Variants in SYT16 observed in about 807,000 individuals in gnomAD.
SYT16 encodes the protein synaptotagmin-16.
SYT16 carries 42 observed loss-of-function variants against 61.4 expected under a neutral mutation model. The ratio of observed to expected loss-of-function variants is 0.68; its 90% confidence interval spans 0.53 to 0.89. The LOEUF (loss-of-function observed/expected upper bound fraction) is 0.89. SYT16 is among the 40% of genes least tolerant of loss of function. SYT16 has a pLI of 0.00. For missense variants in SYT16, 804 were observed against 807.3 expected, an observed-to-expected ratio of 1.00 and a Z score of 0.05; for synonymous variants, 314 against 302.3, an observed-to-expected ratio of 1.04 and a Z score of -0.40.
intron 1 of SYT16, among the ~76,000 whole-genome samples, chr14:61,907,329 A>G (rs967017400): frequency 2.6e-5 from 4 of 152,232 alleles, no homozygotes; most frequent in Admixed American, 1.3e-4. Context: ...ATTATTACCA[A>G]TGAAAATGTA....
At position 61,996,017 on chromosome 14, in the gene SYT16, G is replaced by GTT. The variant is rs770611524; in HGVS notation, c.-3_-2insTT. On this transcript the variant is annotated 5_prime_UTR_variant, in exon 3 of 8. Coordinates refer to ENST00000683842, the MANE Select transcript of SYT16 (RefSeq NM_001367656.1). ...GGACACTGTAGACATCAGATAGCTGGCCATGGTGTTGGCCATGGCGTCTCA... is the reference window on the plus strand; with the variant it reads ...GGACACTGTAGACATCAGATAGCTGGTTCCATGGTGTTGGCCATGGCGTCTCA... 99 of 1,578,356 alleles carry GTT rather than the reference G, an allele frequency of 6.3e-5. 1 individual carries two copies. In the South Asian group the frequency reaches 1.0e-3, roughly 17 times the overall value.
At chr14:61,839,878 T>C (rs2046252455) in intron 1 of SYT16, among the ~76,000 whole-genome samples, 1 of 147,612 alleles carries the variant, frequency 6.8e-6, no homozygotes, top group African/African-American at 2.5e-5. Flanking sequence ...TCTGGGAACA[T>C]TGTGGAGGGG....
chr14:61,985,074 C>T lies in SYT16; in HGVS notation c.-144-10802C>T, dbSNP rs115734328. Among the ~76,000 whole-genome samples, 1,224 of 152,154 alleles carry T rather than the reference C, an allele frequency of 8.0e-3. 17 individuals carry two copies. Among genetic ancestry groups the T allele is most frequent in the African/African-American group, 0.027 (1,115 of 41,514 alleles). ...AAGAGGATCTGATTATTAATGTTTG[C>T]CAGACACAGAAGCATTGAGAATGTC... On this transcript the variant is annotated intron_variant, in intron 2 of 7. Coordinates refer to ENST00000683842, the MANE Select transcript of SYT16 (RefSeq NM_001367656.1).
chr14:61,992,857 CAT>C (rs1203860563), intron 2 of SYT16, among the ~76,000 whole-genome samples: 2 of 152,068 alleles, frequency 1.3e-5, no homozygotes, highest in Admixed American at 1.3e-4. Flanking sequence ...TATCAACAAA[CAT>C]AAATGAGTAG....
At chr14:62,038,501 G>A (rs1321737377) in intron 3 of SYT16, among the ~76,000 whole-genome samples, 4 of 151,982 alleles carry the variant, frequency 2.6e-5, no homozygotes, top group Non-Finnish European at 4.4e-5. Flanking sequence ...AGGGAAAATC[G>A]CTTATTTACA....
chr14:61,840,797 A>G (rs762111953), intron 1 of SYT16, among the ~76,000 whole-genome samples: 17 of 152,188 alleles, frequency 1.1e-4, no homozygotes, highest in Non-Finnish European at 2.2e-4. Flanking sequence ...GAGCTCATAA[A>G]TATAGGCTAT....
intron 7 of SYT16, among the ~76,000 whole-genome samples, chr14:62,093,825 T>C (rs1327861460): frequency 5.9e-5 from 9 of 152,158 alleles, no homozygotes; most frequent in African/African-American, 1.9e-4. Context: ...AGAAGATGTA[T>C]TAATATAGAC....
At chr14:62,046,566 C>A (rs1462656776) in intron 3 of SYT16, among the ~76,000 whole-genome samples, 1 of 152,112 alleles carries the variant, frequency 6.6e-6, no homozygotes, top group East Asian at 1.9e-4. Flanking sequence ...AGGTTTTCTT[C>A]TAGGGTTTTT....
At chr14:62,010,534 C>T (rs918268515) in intron 3 of SYT16, among the ~76,000 whole-genome samples, 3 of 152,084 alleles carry the variant, frequency 2.0e-5, no homozygotes, top group Admixed American at 1.3e-4. Context: ...TCACTTTGCC[C>T]GTGCTTATTA....
intron 5 of SYT16, among the ~76,000 whole-genome samples, chr14:62,078,178 C>A (rs1014740659): frequency 4.8e-5 from 7 of 147,144 alleles, no homozygotes; most frequent in African/African-American, 1.0e-4. Context: ...TATAAACACA[C>A]ACACACACAC....
At chr14:61,953,202 A>G (rs1041300317) in intron 1 of SYT16, among the ~76,000 whole-genome samples, 31 of 152,338 alleles carry the variant, frequency 2.0e-4, no homozygotes, top group African/African-American at 6.7e-4. Flanking sequence ...AATTGTGCAG[A>G]TATTTTTAAT....
chr14:61,871,013 C>T (rs1016654805), intron 1 of SYT16, among the ~76,000 whole-genome samples: 50 of 152,042 alleles, frequency 3.3e-4, no homozygotes, highest in African/African-American at 1.0e-3. Context: ...TATTGTTGGA[C>T]GGTGGTTCAT....
rs768776972 is a variant in SYT16 at position 62,081,308 on chromosome 14, G to A, written c.1434+34G>A. On this transcript the variant is annotated intron_variant, in intron 6 of 7. Transcript: ENST00000683842. Reference sequence around the variant, plus strand: ...GTTAAATGGTGCTGCTAATGATGTGGTGTGTTCGAAGACCTGGGATTGTCA... The same window carrying A: ...GTTAAATGGTGCTGCTAATGATGTGATGTGTTCGAAGACCTGGGATTGTCA... 3.8e-6 allele frequency: 6 copies of A among 1,584,042 alleles called. No individual in the cohort carries two copies. The African/African-American group carries it at 6.7e-5, about 18-fold the overall frequency.
chr14:62,072,631 A>T (rs1414134861), intron 4 of SYT16, among the ~76,000 whole-genome samples: 1 of 152,146 alleles, frequency 6.6e-6, no homozygotes, highest in Non-Finnish European at 1.5e-5. Context: ...CTTAAAGTCA[A>T]CTGATTATAG....
At chr14:61,956,587 C>A (rs1470216941) in intron 1 of SYT16, among the ~76,000 whole-genome samples, 1 of 151,966 alleles carries the variant, frequency 6.6e-6, no homozygotes, top group Non-Finnish European at 1.5e-5. Context: ...ACTCTTGACA[C>A]CCTTGTCAAA....
rs894429348 is a variant in SYT16, at chr14:61,912,196, A to G, written c.-324-57936A>G. 5.9e-5 allele frequency among the ~76,000 whole-genome samples: 9 copies of G among 152,344 alleles called. No homozygotes were observed. In the East Asian group the frequency reaches 1.2e-3, roughly 20 times the overall value. ...ATGCTGGGAGACTAAGAATTTATCA[A>G]ACCTTACCTCTAATTTGAAAAGACT... On this transcript the variant is annotated intron_variant, in intron 1 of 7. Coordinates refer to ENST00000683842, the MANE Select transcript of SYT16 (RefSeq NM_001367656.1).
chr14:61,966,031 T>A (rs2051302161), intron 1 of SYT16, among the ~76,000 whole-genome samples: 2 of 152,148 alleles, frequency 1.3e-5, no homozygotes, highest in South Asian at 4.1e-4. Context: ...GCATTAAGGC[T>A]AAAAGGTAAT....
At chr14:61,919,656 A>G (rs1040403488) in intron 1 of SYT16, among the ~76,000 whole-genome samples, 2 of 152,162 alleles carry the variant, frequency 1.3e-5, no homozygotes, top group Non-Finnish European at 2.9e-5. Flanking sequence ...TTGTGATTCC[A>G]TTGGACCCAT....
At chr14:62,018,093 T>C (rs1192110118) in intron 3 of SYT16, among the ~76,000 whole-genome samples, 3 of 152,108 alleles carry the variant, frequency 2.0e-5, no homozygotes, top group Non-Finnish European at 4.4e-5. Context: ...GTGCATTCCT[T>C]TTAAACTTAC....
Sources: allele counts gnomAD v4.1 joint callset (sites outside exome capture counted in the v4.1 genomes callset), GRCh38; gene constraint gnomAD v4.1.1; transcripts MANE v1.5; gene names NCBI Gene and HGNC (gene_info 2026-07-23, HGNC 2026-07-21).